ZMYM2: variants seen among roughly 807,000 people sequenced by gnomAD.
The protein encoded by ZMYM2 is zinc finger MYM-type protein 2.
Under a neutral mutation model 162.8 loss-of-function variants are expected in ZMYM2, and 56 were observed. That is an observed-to-expected ratio of 0.34 (90% CI 0.28 to 0.43). ZMYM2 has a LOEUF of 0.43. Ranked by LOEUF, ZMYM2 falls within the 20% of genes least tolerant of loss-of-function variation. The pLI, the probability that ZMYM2 is intolerant of heterozygous loss-of-function variation, is 1.00. For synonymous variants in ZMYM2, 510 were observed against 541.6 expected (o/e 0.94, Z 0.81); for missense variants, 1,275 against 1,621.8 (o/e 0.79, Z 3.67).
At chr13:19,887,841 C>T in the ZMYM2 span, among the ~76,000 whole-genome samples, 1 of 150,882 alleles carries the variant, frequency 6.6e-6, no homozygotes, top group Admixed American at 6.6e-5. Context: ...CGAACTGCCT[C>T]ATCTTTATTT....
At chr13:20,030,509 C>G (rs1446907798) in intron 9 of ZMYM2, among the ~76,000 whole-genome samples, 1 of 152,078 alleles carries the variant, frequency 6.6e-6, no homozygotes, top group Non-Finnish European at 1.5e-5. Flanking sequence ...CGCCATTCTC[C>G]TGCCTCAACC....
Position 20,067,246 on chromosome 13 carries a change from A to G in ZMYM2, c.3309A>G (p.Ser1103=), listed in dbSNP as rs2140887769. The G allele has an allele frequency of 1.3e-6, 2 of 1,541,334 alleles. No homozygotes were observed. Among genetic ancestry groups the G allele is most frequent in the African/African-American group, 1.4e-5 (1 of 72,968 alleles). The change falls in exon 21 of 25, where the codon TCA becomes TCG. Residue 1103 remains serine, a synonymous_variant. Transcript: ENST00000610343. ...TATTTTATGTATTTTTAGCTAAATCAGTAAAGTTAAAAGAGGATCTACTCT... is the reference window on the plus strand; with the variant it reads ...TATTTTATGTATTTTTAGCTAAATCGGTAAAGTTAAAAGAGGATCTACTCT... ...LVLDELKSSK[S]VKLKEDLLSH...
chr13:20,039,039 A>G (rs912666983), intron 12 of ZMYM2, among the ~76,000 whole-genome samples: 6 of 151,670 alleles, frequency 4.0e-5, no homozygotes, highest in Non-Finnish European at 5.9e-5. Context: ...TTTTGTGGCA[A>G]TTTTCAATGA....
the ZMYM2 span, among the ~76,000 whole-genome samples, chr13:19,885,956 TATATATGTGTATACAC>T: frequency 7.7e-5 from 6 of 77,806 alleles, 2 homozygotes; most frequent in African/African-American, 2.4e-4. Context: ...TATATACACA[TATATATGTGTATACAC>T]ATATATATGT....
At chr13:19,913,382 C>T in the ZMYM2 span, among the ~76,000 whole-genome samples, 70 of 152,202 alleles carry the variant, frequency 4.6e-4, 1 homozygote, top group African/African-American at 1.6e-3. Context: ...CAGCAGCATT[C>T]CATCATCAAA....
At chr13:19,890,871 C>CAA in the ZMYM2 span, among the ~76,000 whole-genome samples, 591 of 128,842 alleles carry the variant, frequency 4.6e-3, 1 homozygote, top group Non-Finnish European at 6.3e-3. Context: ...GACTCCATTT[C>CAA]AAAAAAAAAA....
At position 20,051,479 on chromosome 13, in the gene ZMYM2, G is replaced by T; in HGVS notation, c.2339G>T (p.Arg780Leu). The change falls in exon 13 of 25, where the codon CGA becomes CTA. Residue 780 changes from arginine to leucine, a missense_variant. By Grantham distance (102) the Arg-to-Leu change is moderately radical. Around this residue, in one of 10 missense-constraint regions of ZMYM2, gnomAD observed 177 missense variants for 228.0 expected, o/e 0.78. Transcript: ENST00000610343. ...AAATCTCAAGGAACTCTTAAAGAGCGAGTTCAGTGGCGTGGGGAAATGAAA... is the reference window on the plus strand; with the variant it reads ...AAATCTCAAGGAACTCTTAAAGAGCTAGTTCAGTGGCGTGGGGAAATGAAA... ...CCKSQGTLKERVQWRGEMKHF... is the reference protein window; with the variant it reads ...CCKSQGTLKELVQWRGEMKHF... 6.2e-7 allele frequency: 1 copy of T among 1,613,456 alleles called. No homozygotes were observed.
At chr13:19,884,799 C>G in the ZMYM2 span, among the ~76,000 whole-genome samples, 1 of 152,128 alleles carries the variant, frequency 6.6e-6, no homozygotes, top group Non-Finnish European at 1.5e-5. Flanking sequence ...AAAACAAAAT[C>G]TTCAACAAGC....
chr13:19,923,774 G>T, the ZMYM2 span, among the ~76,000 whole-genome samples: 1 of 147,320 alleles, frequency 6.8e-6, no homozygotes, highest in Non-Finnish European at 1.5e-5. Context: ...GGGTTTAAGC[G>T]ATTCTCCTGC....
chr13:19,872,778 C>T, the ZMYM2 span, among the ~76,000 whole-genome samples: 3 of 152,090 alleles, frequency 2.0e-5, no homozygotes, highest in African/African-American at 7.2e-5. Context: ...TCGGGTAGAT[C>T]ACTTGAGGCC....
the ZMYM2 span, among the ~76,000 whole-genome samples, chr13:19,913,277 C>A: frequency 6.6e-6 from 1 of 152,130 alleles, no homozygotes; most frequent in African/African-American, 2.4e-5. Flanking sequence ...GAGACTGAAT[C>A]CTTAACCACG....
the ZMYM2 span, among the ~76,000 whole-genome samples, chr13:19,930,919 C>T: frequency 4.0e-5 from 6 of 150,640 alleles, no homozygotes; most frequent in Middle Eastern, 6.9e-3. Flanking sequence ...GCGGGCAGAT[C>T]AAGAGGTCAG....
At chr13:19,897,612 C>T in the ZMYM2 span, among the ~76,000 whole-genome samples, 1 of 151,338 alleles carries the variant, frequency 6.6e-6, no homozygotes, top group Admixed American at 6.6e-5. Flanking sequence ...AAATATATTT[C>T]ATGCAAACAA....
intron 19 of ZMYM2, among the ~76,000 whole-genome samples, chr13:20,065,190 G>T (rs1956577705): frequency 6.6e-6 from 1 of 151,934 alleles, no homozygotes; most frequent in South Asian, 2.1e-4. Flanking sequence ...CCTTAAGAAA[G>T]ATAGCTTTCA....
chr13:20,019,342 T>C (rs983674061), intron 6 of ZMYM2, among the ~76,000 whole-genome samples: 30 of 152,318 alleles, frequency 2.0e-4, no homozygotes, highest in African/African-American at 7.0e-4. Context: ...TCATACCATT[T>C]TTTCTAAGAT....
Position 20,088,340 on chromosome 13 carries a change from A to G in ZMYM2, c.*2326A>G, listed in dbSNP as rs996480549. 9.7e-6 allele frequency: 2 copies of G among 206,208 alleles called. No homozygotes were observed. Among genetic ancestry groups the G allele is most frequent in the Non-Finnish European group, 2.0e-5 (2 of 100,730 alleles). The allele number at this position is 206,208 out of a possible 1,614,324, so 12.8% of individuals were successfully genotyped here. A position where few individuals can be genotyped will look rare whatever the true frequency, so the allele number is the denominator to read the frequency against. ...ATAGTTGACTGCTGAGAAAAGGACA[A>G]TGAAATGATAGCAATTTCCTTTTGC... On this transcript the variant is annotated 3_prime_UTR_variant, in exon 25 of 25. Coordinates refer to ENST00000610343, the MANE Select transcript of ZMYM2 (RefSeq NM_197968.4).
At chr13:20,048,641 T>G (rs191266005) in intron 12 of ZMYM2, among the ~76,000 whole-genome samples, 59 of 152,098 alleles carry the variant, frequency 3.9e-4, no homozygotes, top group African/African-American at 1.4e-3. Context: ...AATGAAAAGT[T>G]GAAACTATCC....
chr13:20,080,350 AT>A (rs1957827243), intron 21 of ZMYM2, among the ~76,000 whole-genome samples: 1 of 152,128 alleles, frequency 6.6e-6, no homozygotes, highest in Non-Finnish European at 1.5e-5. Flanking sequence ...TGGCATTCTT[AT>A]GTTTTGATTA....
chr13:19,884,284 A>G, the ZMYM2 span, among the ~76,000 whole-genome samples: 1 of 152,072 alleles, frequency 6.6e-6, no homozygotes, highest in Non-Finnish European at 1.5e-5. Context: ...GGTCTCGCTG[A>G]CGCCAGTGGC....
Sources: allele counts gnomAD v4.1 joint callset (sites outside exome capture counted in the v4.1 genomes callset), GRCh38; gene constraint gnomAD v4.1.1; regional missense constraint gnomAD v4.1.1; transcripts MANE v1.5; gene names NCBI Gene and HGNC (gene_info 2026-07-23, HGNC 2026-07-21).